TEKT1: variants seen among roughly 807,000 people sequenced by gnomAD.
The protein encoded by TEKT1 is tektin-1.
TEKT1 carries 32 observed loss-of-function variants against 34.8 expected under a neutral mutation model. The observed-to-expected ratio is 0.92, with a 90% CI of 0.69 to 1.23. The LOEUF is 1.23. Among genes scored for constraint, TEKT1 ranks in the 50% most tolerant of loss-of-function variants. TEKT1 has a pLI of 0.00. For missense variants in TEKT1, 492 were observed against 518.5 expected (o/e 0.95, Z 0.50); for synonymous variants, 207 against 199.8 (o/e 1.04, Z -0.30).
At position 6,799,091 on chromosome 17, in the gene TEKT1, T is replaced by C. The variant is rs999073414; in HGVS notation, c.*936A>G. ...CAAATGAGCAGTTTCCCACAGCAAA[T>C]GTCTTCCTTTGACAGTCACCCACAT... On this transcript the variant is annotated 3_prime_UTR_variant, in exon 8 of 8. Transcript: ENST00000338694. The C allele has an allele frequency of 6.6e-6, 1 of 152,150 alleles. No individual in the cohort carries two copies. Among genetic ancestry groups the C allele is most frequent in the Non-Finnish European group, 1.5e-5 (1 of 68,020 alleles). The allele number at this position is 152,150 out of a possible 1,614,324, so 9.4% of individuals were successfully genotyped here. A position where few individuals can be genotyped will look rare whatever the true frequency, so the allele number is the denominator to read the frequency against.
In TEKT1 at chr17:6,798,051, A is replaced by G. The variant is rs1006312015; in HGVS notation, c.*1976T>C. 1 of 152,254 alleles carries G rather than the reference A, an allele frequency of 6.6e-6. No homozygotes were observed. The highest frequency in any genetic ancestry group is 1.5e-5 in the Non-Finnish European group (1 of 68,046). The allele number at this position is 152,254 out of a possible 1,614,324, so 9.4% of individuals were successfully genotyped here. On this transcript the variant is annotated 3_prime_UTR_variant, in exon 8 of 8. Coordinates refer to ENST00000338694, the MANE Select transcript of TEKT1 (RefSeq NM_053285.2). ...AGATGTTTCCGCATTTTATGTCTAC[A>G]TGTTGAGAAATGGCCTCAACCATAA...
chr17:6,805,706 G>A (rs1976834374), intron 6 of TEKT1, among the ~76,000 whole-genome samples: 1 of 152,128 alleles, frequency 6.6e-6, no homozygotes, highest in Non-Finnish European at 1.5e-5. Context: ...CTTTATTTCT[G>A]TCTTCATTTT....
chr17:6,807,051 A>C (rs906989666), intron 6 of TEKT1, among the ~76,000 whole-genome samples: 2 of 152,072 alleles, frequency 1.3e-5, no homozygotes, highest in Non-Finnish European at 2.9e-5. Flanking sequence ...TGGATAATAT[A>C]CTGCAGAGTG....
At chr17:6,816,019 A>C (rs974705596) in intron 3 of TEKT1, 57 bp from the exon 4 acceptor site, 1 of 1,604,778 alleles carries the variant, frequency 6.2e-7, no homozygotes, top group Non-Finnish European at 8.5e-7. Context: ...GTGACTCAAC[A>C]TTGGCTAATG....
chr17:6,826,235 G>A (rs1327277898), intron 2 of TEKT1, among the ~76,000 whole-genome samples: 10 of 152,224 alleles, frequency 6.6e-5, no homozygotes, highest in Admixed American at 5.2e-4. Flanking sequence ...ATGTTCGTCG[G>A]CTGTTTGAAT....
chr17:6,814,937 T>C (rs947795582), intron 5 of TEKT1: 17 of 485,752 alleles, frequency 3.5e-5, no homozygotes, highest in African/African-American at 3.4e-4. Context: ...AATGTTTTAT[T>C]CTTTAAAGGT....
chr17:6,810,190 T>G (rs1443001976), intron 6 of TEKT1, among the ~76,000 whole-genome samples: 2 of 152,170 alleles, frequency 1.3e-5, no homozygotes, highest in Admixed American at 6.6e-5. Context: ...TGCCGAGGTG[T>G]TGTTGTTTTA....
chr17:6,819,127 G>T, intron 3 of TEKT1, 66 bp downstream of exon 3: 1 of 1,553,188 alleles, frequency 6.4e-7, no homozygotes, highest in Non-Finnish European at 8.7e-7. Flanking sequence ...GCACACAGCC[G>T]GCATTTACTA....
chr17:6,830,060 G>T, intron 2 of TEKT1, 127 bp downstream of exon 2: 2 of 961,128 alleles, frequency 2.1e-6, no homozygotes, highest in Non-Finnish European at 3.0e-6. Flanking sequence ...CATAGAACCT[G>T]GAGAATACAC....
At chr17:6,805,083 C>T (rs561446177) in intron 6 of TEKT1, among the ~76,000 whole-genome samples, 7 of 152,192 alleles carry the variant, frequency 4.6e-5, no homozygotes, top group African/African-American at 9.6e-5. Flanking sequence ...GCTGGGAATC[C>T]GTATGGTCCT....
chr17:6,824,332 G>T (rs2151591121), intron 2 of TEKT1, among the ~76,000 whole-genome samples: 1 of 151,652 alleles, frequency 6.6e-6, no homozygotes, highest in African/African-American at 2.4e-5. Flanking sequence ...ATTCTAACAG[G>T]CTACCCAATG....
intron 2 of TEKT1, among the ~76,000 whole-genome samples, chr17:6,825,049 A>T (rs529513426): frequency 2.6e-5 from 4 of 152,340 alleles, no homozygotes; most frequent in South Asian, 2.1e-4. Context: ...AGCTAAGAAG[A>T]TGAAGAACAA....
chr17:6,823,998 A>ATT (rs906708882), intron 2 of TEKT1, among the ~76,000 whole-genome samples: 3 of 151,498 alleles, frequency 2.0e-5, no homozygotes, highest in Non-Finnish European at 4.4e-5. Flanking sequence ...AATTTTTTGT[A>ATT]TTTTTAGTAG....
chr17:6,813,578 A>ACACC (rs1555554525), intron 5 of TEKT1, among the ~76,000 whole-genome samples: 1 of 151,480 alleles, frequency 6.6e-6, no homozygotes, highest in Non-Finnish European at 1.5e-5. Context: ...ACACACACAC[A>ACACC]CACACACACA....
At chr17:6,819,424 A>T in intron 2 of TEKT1, 66 bp from the exon 3 acceptor site, 1 of 1,501,698 alleles carries the variant, frequency 6.7e-7, no homozygotes, top group Non-Finnish European at 8.9e-7. Flanking sequence ...TTGAATTAGA[A>T]ACTTGAAGAC....
chr17:6,807,079 A>G (rs1419264317), intron 6 of TEKT1, among the ~76,000 whole-genome samples: 1 of 152,118 alleles, frequency 6.6e-6, no homozygotes, highest in Non-Finnish European at 1.5e-5. Context: ...ACTTGGTTCC[A>G]TTCTCCCCAT....
chr17:6,828,979 C>T (rs1050995225), intron 2 of TEKT1, among the ~76,000 whole-genome samples: 1 of 151,780 alleles, frequency 6.6e-6, no homozygotes, highest in Non-Finnish European at 1.5e-5. Flanking sequence ...GATGAAACCC[C>T]GTCTCTACCA....
intron 5 of TEKT1, among the ~76,000 whole-genome samples, chr17:6,813,424 A>C (rs1172153417): frequency 6.6e-6 from 1 of 152,192 alleles, no homozygotes; most frequent in Non-Finnish European, 1.5e-5. Flanking sequence ...GATTACACTG[A>C]ATAAAATAGA....
At chr17:6,821,470 C>T in intron 2 of TEKT1, among the ~76,000 whole-genome samples, 1 of 152,206 alleles carries the variant, frequency 6.6e-6, no homozygotes, top group Admixed American at 6.5e-5. Flanking sequence ...CCATGTGGAA[C>T]TGTGGGTCGA....
Sources: allele counts gnomAD v4.1 joint callset (sites outside exome capture counted in the v4.1 genomes callset), GRCh38; gene constraint gnomAD v4.1.1; transcripts MANE v1.5; gene names NCBI Gene and HGNC (gene_info 2026-07-23, HGNC 2026-07-21).